ROBO2: variants seen among roughly 807,000 people sequenced by gnomAD.
The protein encoded by ROBO2 is roundabout guidance receptor 2.
A neutral mutation model predicts 160.8 loss-of-function variants in ROBO2; 53 were observed. The observed-to-expected ratio is 0.33, with a 90% CI of 0.26 to 0.41. The LOEUF (loss-of-function observed/expected upper bound fraction) is 0.41. ROBO2 is among the 10% of genes least tolerant of loss of function. The pLI is 1.00. For missense variants in ROBO2, 1,577 were observed against 1,722.4 expected (o/e 0.92, Z 1.49); for synonymous variants, 664 against 611.7 (o/e 1.09, Z -1.26).
At chr3:77,526,735 G>A (rs2091200316) in intron 6 of ROBO2, among the ~76,000 whole-genome samples, 4 of 151,586 alleles carry the variant, frequency 2.6e-5, no homozygotes, top group Middle Eastern at 3.4e-3. Flanking sequence ...TTTGAAAGCC[G>A]TTCTCAGTGT....
At chr3:77,411,228 T>C (rs566570263) in intron 2 of ROBO2, among the ~76,000 whole-genome samples, 1 of 152,288 alleles carries the variant, frequency 6.6e-6, no homozygotes, top group Admixed American at 6.5e-5. Context: ...TGCTCTTGAG[T>C]CCACAATTAT....
intron 4 of ROBO2, among the ~76,000 whole-genome samples, chr3:77,484,666 C>T (rs2085130320): frequency 6.6e-6 from 1 of 151,854 alleles, no homozygotes; most frequent in South Asian, 2.1e-4. Flanking sequence ...ATTTGACTTC[C>T]TATTATAGAA....
chr3:77,549,528 C>T (rs1010385209), intron 7 of ROBO2, among the ~76,000 whole-genome samples: 2 of 151,980 alleles, frequency 1.3e-5, no homozygotes, highest in African/African-American at 4.8e-5. Flanking sequence ...TCCTGACATG[C>T]TAGCAAACAT....
chr3:77,239,514 G>A lies in ROBO2; in HGVS notation c.388+141174G>A, dbSNP rs143476003. On this transcript the variant is annotated intron_variant, in intron 2 of 25. Transcript: ENST00000461745. ...CCACACTGTGGAAAGGGACCCCAGC[G>A]CCTTCCCACTGCTGGCTCAGGCAGC... Among the ~76,000 whole-genome samples the A allele has an allele frequency of 3.0e-4, 45 of 152,272 alleles. No homozygotes were observed. The East Asian group carries it at 8.3e-3, about 28-fold the overall frequency.
intron 2 of ROBO2, among the ~76,000 whole-genome samples, chr3:76,857,535 T>C (rs1395002707): frequency 6.6e-6 from 1 of 152,154 alleles, no homozygotes; most frequent in Non-Finnish European, 1.5e-5. Flanking sequence ...TTTTTCGAAG[T>C]GGGCACATAT....
intron 2 of ROBO2, among the ~76,000 whole-genome samples, chr3:76,548,090 C>A (rs1201305656): frequency 6.6e-6 from 1 of 152,118 alleles, no homozygotes; most frequent in Admixed American, 6.5e-5. Context: ...AAACTCACTA[C>A]TTTATTTTTG....
intron 2 of ROBO2, among the ~76,000 whole-genome samples, chr3:77,476,444 A>G (rs1217555224): frequency 6.6e-6 from 1 of 151,956 alleles, no homozygotes; most frequent in Non-Finnish European, 1.5e-5. Flanking sequence ...GGAACCAAAC[A>G]TGTCGGTGTT....
intron 2 of ROBO2, among the ~76,000 whole-genome samples, chr3:77,102,417 C>G (rs1402930540): frequency 6.6e-6 from 1 of 152,058 alleles, no homozygotes; most frequent in African/African-American, 2.4e-5. Context: ...CAGTATGTCT[C>G]CAGACATTGG....
At chr3:76,987,117 C>T (rs1186446051) in intron 2 of ROBO2, among the ~76,000 whole-genome samples, 1 of 152,194 alleles carries the variant, frequency 6.6e-6, no homozygotes. Context: ...CGCCACGCCA[C>T]CACTACTTGA....
At chr3:76,050,068 A>T (rs190770803) in intron 2 of ROBO2, among the ~76,000 whole-genome samples, 13 of 152,208 alleles carry the variant, frequency 8.5e-5, no homozygotes, top group African/African-American at 2.4e-4. Flanking sequence ...GACGCAAATA[A>T]CTGTTCCTGG....
At chr3:77,139,448 A>G (rs115446564) in intron 2 of ROBO2, among the ~76,000 whole-genome samples, 159 of 152,284 alleles carry the variant, frequency 1.0e-3, no homozygotes, top group African/African-American at 3.4e-3. Context: ...CCTAGGGTGT[A>G]TTAATACTAA....
At chr3:77,481,276 A>C in intron 4 of ROBO2, 57 bp downstream of exon 4, 1 of 1,390,358 alleles carries the variant, frequency 7.2e-7, no homozygotes, top group Non-Finnish European at 9.5e-7. Flanking sequence ...CTTTGCTTTT[A>C]AGTATTACTA....
chr3:76,157,486 A>T (rs1043213039), intron 2 of ROBO2, among the ~76,000 whole-genome samples: 11 of 152,208 alleles, frequency 7.2e-5, no homozygotes, highest in Admixed American at 3.9e-4. Flanking sequence ...AATTGATTGC[A>T]ATTCTCATTT....
chr3:77,581,874 T>A (rs796799616), intron 16 of ROBO2, among the ~76,000 whole-genome samples: 19 of 152,282 alleles, frequency 1.2e-4, no homozygotes, highest in African/African-American at 4.3e-4. Flanking sequence ...ATTTATGTAT[T>A]TCCCCCTTTC....
At chr3:77,555,530 A>G (rs1396168825) in intron 8 of ROBO2, among the ~76,000 whole-genome samples, 1 of 152,004 alleles carries the variant, frequency 6.6e-6, no homozygotes, top group Admixed American at 6.6e-5. Context: ...ATATTTCTCT[A>G]AAAGACTTCC....
At position 76,974,125 on chromosome 3, in the gene ROBO2, T is replaced by C. The variant is rs150832954; in HGVS notation, c.110-123889T>C. On this transcript the variant is annotated intron_variant, in intron 2 of 26. Transcript: ENST00000487694. ...TTCTCATTCATATAGCAAATAAAATTATCTTTTATTTGAAGGACAACAAAG... is the reference window on the plus strand; with the variant it reads ...TTCTCATTCATATAGCAAATAAAATCATCTTTTATTTGAAGGACAACAAAG... Among the ~76,000 whole-genome samples, 209 of 152,272 alleles carry C rather than the reference T, an allele frequency of 1.4e-3. 1 individual carries two copies. Among genetic ancestry groups the C allele is most frequent in the African/African-American group, 4.7e-3 (197 of 41,558 alleles).
chr3:77,409,103 G>GTATATATATATATATATATATATGTA (rs57350639), intron 2 of ROBO2, among the ~76,000 whole-genome samples: 1 of 129,656 alleles, frequency 7.7e-6, no homozygotes, highest in African/African-American at 2.7e-5. Context: ...ATATATATAT[G>GTATATATATATATATATATATATGTA]TATATATATA....
intron 2 of ROBO2, among the ~76,000 whole-genome samples, chr3:77,440,124 A>G (rs1369454804): frequency 6.6e-6 from 1 of 152,188 alleles, no homozygotes; most frequent in African/African-American, 2.4e-5. Flanking sequence ...TCAGTCTACC[A>G]TGTGCTTAGA....
intron 2 of ROBO2, among the ~76,000 whole-genome samples, chr3:76,685,690 A>G (rs2092670556): frequency 6.6e-6 from 1 of 152,274 alleles, no homozygotes; most frequent in Admixed American, 6.6e-5. Flanking sequence ...TTTAAAAAAC[A>G]AAGTCACTTT....
Sources: gnomAD v4.1 joint callset for allele counts (sites outside exome capture counted in the v4.1 genomes callset) on GRCh38, gnomAD v4.1.1 for gene constraint, MANE v1.5 for transcripts, NCBI Gene and HGNC (gene_info 2026-07-23, HGNC 2026-07-21) for gene names.